Variants in RAB4A observed in about 807,000 individuals in gnomAD.
The protein encoded by RAB4A is ras-related protein Rab-4A.
A neutral mutation model predicts 34.5 loss-of-function variants in RAB4A; 20 were observed. The observed-to-expected ratio is 0.58, with a 90% confidence interval of 0.41 to 0.84. The LOEUF is 0.84. RAB4A is among the 40% of genes least tolerant of loss of function. The probability of loss-of-function intolerance (pLI) is 0.00; values close to 1 mark genes in which losing one functional copy is unlikely to be tolerated. For synonymous variants in RAB4A, 102 were observed against 100.0 expected (o/e 1.02, Z -0.12); for missense variants, 228 against 274.5 (o/e 0.83, Z 1.20).
rs201255535 is a variant in RAB4A at position 229,286,488 on chromosome 1, T to C, written c.34T>C (p.Phe12Leu). The C allele has an allele frequency of 1.9e-5, 29 of 1,563,280 alleles. No homozygotes were observed. The East Asian group carries it at 6.6e-4, about 36-fold the overall frequency. ...CACAGTCTCTTTTTATCTTTCAGAT[T>C]TTTTGTTTAAGTTCTTGGTTATTGG... ...SQTAMSETYD[F>L]LFKFLVIGNA... Residue 12 changes from phenylalanine to leucine, a missense_variant and splice_region_variant, in exon 2 of 8, where the codon TTT becomes CTT. Phe to Leu is a conservative substitution (Grantham distance 22). Transcript: ENST00000366690.
chr1:229,285,975 T>C (rs1469237256), intron 1 of RAB4A, among the ~76,000 whole-genome samples: 1 of 152,268 alleles, frequency 6.6e-6, no homozygotes, highest in Non-Finnish European at 1.5e-5. Flanking sequence ...CTTATGCCGT[T>C]ATACAAATTA....
In RAB4A at chr1:229,292,009, T is replaced by C. The variant is rs1461976083; in HGVS notation, c.227+3166T>C. Among the ~76,000 whole-genome samples the C allele has an allele frequency of 3.6e-5, 5 of 138,302 alleles. No individual in the cohort carries two copies. In the East Asian group the frequency reaches 1.1e-3, roughly 30 times the overall value. 90.7% of individuals were successfully genotyped at this position (138,302 alleles called of 152,430 possible). A position where few individuals can be genotyped will look rare whatever the true frequency, so the allele number is the denominator to read the frequency against. ...GCATATTCTCACTCATAGGTGGGAA[T>C]TGAATAATGAGAACACATGGACACA... is the stretch of plus-strand genomic sequence containing the variant. On this transcript the variant is annotated intron_variant, in intron 3 of 7. Coordinates refer to ENST00000366690, the MANE Select transcript of RAB4A (RefSeq NM_004578.4).
At chr1:229,293,936 G>A (rs565106077) in intron 3 of RAB4A, among the ~76,000 whole-genome samples, 2 of 152,308 alleles carry the variant, frequency 1.3e-5, no homozygotes, top group East Asian at 1.9e-4. Flanking sequence ...GGGCCTTGAT[G>A]AGTTGGGCTG....
At chr1:229,272,006 G>C (rs1393519285) in intron 1 of RAB4A, among the ~76,000 whole-genome samples, 1 of 152,134 alleles carries the variant, frequency 6.6e-6, no homozygotes, top group Non-Finnish European at 1.5e-5. Context: ...CACCTTGGAA[G>C]CAAAGCCCTG....
At chr1:229,275,516 G>A (rs2102832637) in intron 1 of RAB4A, among the ~76,000 whole-genome samples, 1 of 152,094 alleles carries the variant, frequency 6.6e-6, no homozygotes, top group Middle Eastern at 3.4e-3. Flanking sequence ...TAAAATATAG[G>A]CTTTGCTCAT....
chr1:229,293,070 C>T (rs527647940), intron 3 of RAB4A, among the ~76,000 whole-genome samples: 2 of 152,290 alleles, frequency 1.3e-5, no homozygotes, highest in Admixed American at 6.5e-5. Context: ...GAATGATTCA[C>T]ACAACTCAGG....
intron 1 of RAB4A, among the ~76,000 whole-genome samples, chr1:229,281,698 C>A (rs980728429): frequency 1.3e-5 from 2 of 151,694 alleles, no homozygotes; most frequent in African/African-American, 4.8e-5. Context: ...CCTGCCTTGA[C>A]TGGCCATTTT....
chr1:229,293,136 A>T (rs1657138599), intron 3 of RAB4A, among the ~76,000 whole-genome samples: 1 of 152,250 alleles, frequency 6.6e-6, no homozygotes, highest in Admixed American at 6.5e-5. Context: ...ATTCAGGCAC[A>T]GCCTGGTGGA....
rs375839197 is a variant in RAB4A at position 229,302,953 on chromosome 1, G to A, written c.633G>A (p.Pro211=). ...GGTCACCGCGGCGCGCACAGGCCCC[G>A]AACGCTCAGGAGTGTGGTTGTTAGG... The part of the protein sequence containing the change: ...QLRSPRRAQA[P]NAQECGC The change falls in exon 7 of 8, where the codon CCG becomes CCA. Residue 211 remains proline, a synonymous_variant. Transcript: ENST00000366690. 1.1e-5 allele frequency: 17 copies of A among 1,613,740 alleles called. No individual in the cohort carries two copies. The highest frequency in any genetic ancestry group is 2.7e-5 in the African/African-American group (2 of 74,864).
At chr1:229,291,645 CAG>C (rs1399103183) in intron 3 of RAB4A, among the ~76,000 whole-genome samples, 5 of 152,130 alleles carry the variant, frequency 3.3e-5, no homozygotes, top group Non-Finnish European at 7.3e-5. Flanking sequence ...GTCTAGCACA[CAG>C]GGGCGCAGTA....
intron 3 of RAB4A, among the ~76,000 whole-genome samples, chr1:229,290,504 C>T (rs1657039079): frequency 6.6e-6 from 1 of 152,178 alleles, no homozygotes; most frequent in African/African-American, 2.4e-5. Context: ...TCTATCCAGT[C>T]ATCTGAAAGT....
intron 5 of RAB4A, 45 bp from the exon 6 acceptor site, chr1:229,298,932 A>T (rs1011269082): frequency 4.3e-6 from 6 of 1,403,434 alleles, no homozygotes; most frequent in Non-Finnish European, 5.0e-6. Context: ...GAAAATTATG[A>T]TCATCTTCTA....
intron 1 of RAB4A, among the ~76,000 whole-genome samples, chr1:229,282,103 T>C (rs911761988): frequency 2.6e-5 from 4 of 152,104 alleles, no homozygotes; most frequent in Non-Finnish European, 4.4e-5. Flanking sequence ...CTATAGCTAT[T>C]CTTTTGCAGG....
At position 229,297,500 on chromosome 1, in the gene RAB4A, G is replaced by A. The variant is rs377624108; in HGVS notation, c.309G>A (p.Ala103=). ...YDITSRETYN[A]LTNWLTDARM... ...TACGCAGCCGAGAAACCTACAATGC[G>A]CTTACTAATTGGTTAACAGATGCCC... The change falls in exon 5 of 8, where the codon GCG becomes GCA. Residue 103 remains alanine, a synonymous_variant. Coordinates refer to ENST00000366690, the MANE Select transcript of RAB4A (RefSeq NM_004578.4). The A allele has an allele frequency of 1.1e-5, 17 of 1,602,186 alleles. No homozygotes were observed. Among genetic ancestry groups the A allele is most frequent in the Admixed American group, 5.4e-5 (3 of 56,022 alleles).
intron 6 of RAB4A, among the ~76,000 whole-genome samples, chr1:229,302,307 ATAT>A (rs1447608131): frequency 2.9e-4 from 10 of 34,978 alleles, no homozygotes; most frequent in Admixed American, 5.1e-4. Context: ...ATATATATAT[ATAT>A]TTTTTTTTTT....
At chr1:229,282,841 T>C (rs1309169657) in intron 1 of RAB4A, among the ~76,000 whole-genome samples, 1 of 152,238 alleles carries the variant, frequency 6.6e-6, no homozygotes, top group Non-Finnish European at 1.5e-5. Context: ...TTTCTAATTT[T>C]TTCATTTGTT....
chr1:229,295,466 A>G (rs1657224685), intron 3 of RAB4A, among the ~76,000 whole-genome samples: 1 of 152,124 alleles, frequency 6.6e-6, no homozygotes, highest in Admixed American at 6.5e-5. Context: ...GAACTGGAAG[A>G]GATGGAGAAA....
intron 1 of RAB4A, among the ~76,000 whole-genome samples, chr1:229,278,613 C>T (rs1476229145): frequency 2.6e-5 from 4 of 152,194 alleles, no homozygotes; most frequent in African/African-American, 4.8e-5. Flanking sequence ...ACTTTGGACC[C>T]CATCTCTAAA....
intron 3 of RAB4A, among the ~76,000 whole-genome samples, chr1:229,294,389 G>T (rs1476027418): frequency 6.6e-6 from 1 of 152,242 alleles, no homozygotes; most frequent in Non-Finnish European, 1.5e-5. Context: ...AGTGCAGGGC[G>T]CAGAGGCTGC....
Sources: gnomAD v4.1 joint callset for allele counts (sites outside exome capture counted in the v4.1 genomes callset) on GRCh38, gnomAD v4.1.1 for gene constraint, MANE v1.5 for transcripts, NCBI Gene and HGNC (gene_info 2026-07-23, HGNC 2026-07-21) for gene names.